Variants in COMMD1 observed in about 807,000 individuals in gnomAD.
COMMD1 encodes the protein COMM domain-containing protein 1.
COMMD1 carries 10 observed loss-of-function variants against 17.2 expected under a neutral mutation model. The ratio of observed to expected loss-of-function variants is 0.58; its 90% CI spans 0.36 to 0.99. The LOEUF (loss-of-function observed/expected upper bound fraction) is 0.99. Ranked by LOEUF, COMMD1 falls within the 50% of genes least tolerant of loss-of-function variation. The probability of loss-of-function intolerance (pLI) is 0.01; values close to 1 mark genes in which losing one functional copy is unlikely to be tolerated. For synonymous variants in COMMD1, 97 were observed against 91.6 expected, an observed-to-expected ratio of 1.06 and a Z score of -0.34; for missense variants, 270 against 231.8, an observed-to-expected ratio of 1.17 and a Z score of -1.07.
chr2:61,992,761 C>T (rs1672283677), intron 1 of COMMD1, among the ~76,000 whole-genome samples: 1 of 152,166 alleles, frequency 6.6e-6, no homozygotes, highest in Non-Finnish European at 1.5e-5. Flanking sequence ...GCAATACTAC[C>T]TGGTTGAGAA....
chr2:62,102,525 T>C (rs1384907053), intron 2 of COMMD1, among the ~76,000 whole-genome samples: 1 of 152,212 alleles, frequency 6.6e-6, no homozygotes, highest in Admixed American at 6.5e-5. Flanking sequence ...TGTGTATTGC[T>C]GGGTCTCAGA....
chr2:61,972,598 A>T (rs1373251777), intron 1 of COMMD1, among the ~76,000 whole-genome samples: 2 of 152,170 alleles, frequency 1.3e-5, no homozygotes, highest in East Asian at 3.8e-4. Context: ...CATACCCTTG[A>T]TATGGTGGGA....
chr2:61,904,745 G>T (rs1432777611), upstream of COMMD1, among the ~76,000 whole-genome samples: 1 of 152,212 alleles, frequency 6.6e-6, no homozygotes, highest in African/African-American at 2.4e-5. Context: ...GTACAATTCA[G>T]TGGGTTTTAG....
chr2:61,945,389 G>A (rs576877121), intron 1 of COMMD1, among the ~76,000 whole-genome samples: 335 of 152,306 alleles, frequency 2.2e-3, no homozygotes, highest in Middle Eastern at 0.01. Context: ...AATTTTGGGA[G>A]ATCAGGGATT....
chr2:62,091,868 G>C (rs1671838389), intron 2 of COMMD1, among the ~76,000 whole-genome samples: 1 of 152,182 alleles, frequency 6.6e-6, no homozygotes, highest in African/African-American at 2.4e-5. Flanking sequence ...GTGATCATTT[G>C]GGAGGCATTG....
At chr2:61,950,644 A>C (rs1365057622) in intron 1 of COMMD1, among the ~76,000 whole-genome samples, 2 of 152,202 alleles carry the variant, frequency 1.3e-5, no homozygotes, top group Non-Finnish European at 1.5e-5. Context: ...CAGCATCGCT[A>C]TTTTTGTGCT....
intron 1 of COMMD1, among the ~76,000 whole-genome samples, chr2:61,947,215 TTA>T (rs1430344634): frequency 1.6e-4 from 25 of 152,198 alleles, no homozygotes; most frequent in Non-Finnish European, 2.8e-4. Flanking sequence ...TAATTTAAAC[TTA>T]TGTTTAGTAA....
At chr2:62,132,833 C>G (rs1457136181) in intron 2 of COMMD1, among the ~76,000 whole-genome samples, 1 of 91,904 alleles carries the variant, frequency 1.1e-5, no homozygotes, top group Non-Finnish European at 2.2e-5. Flanking sequence ...GAGCGAGACT[C>G]TTGTCTCAAA....
At chr2:61,929,685 A>T (rs1376538586) in intron 1 of COMMD1, among the ~76,000 whole-genome samples, 1 of 152,204 alleles carries the variant, frequency 6.6e-6, no homozygotes, top group Non-Finnish European at 1.5e-5. Context: ...TAATCCCAGC[A>T]CTTTGGGAGC....
intron 2 of COMMD1, among the ~76,000 whole-genome samples, chr2:62,095,929 A>T (rs532644641): frequency 4.5e-4 from 67 of 148,566 alleles, no homozygotes; most frequent in African/African-American, 1.5e-3. Context: ...ATATATATAT[A>T]TGTATACATA....
intron 1 of COMMD1, among the ~76,000 whole-genome samples, chr2:61,942,667 G>GT (rs1670783511): frequency 6.6e-6 from 1 of 151,082 alleles, no homozygotes; most frequent in African/African-American, 2.4e-5. Context: ...AGCCTCCCAA[G>GT]TAGTTGGGAT....
intron 2 of COMMD1, among the ~76,000 whole-genome samples, chr2:62,077,335 T>C (rs989836753): frequency 1.3e-5 from 2 of 152,216 alleles, no homozygotes; most frequent in Admixed American, 1.3e-4. Flanking sequence ...AAGGAACAAA[T>C]AGTGAATTTT....
chr2:61,968,945 C>CTTTTT, intron 1 of COMMD1: 1 of 213,684 alleles, frequency 4.7e-6, no homozygotes. Flanking sequence ...TTTATTTAGT[C>CTTTTT]TTTTTTTTTT....
chr2:61,919,397 C>T (rs748081037), intron 1 of COMMD1, among the ~76,000 whole-genome samples: 5 of 152,002 alleles, frequency 3.3e-5, no homozygotes, highest in Non-Finnish European at 7.4e-5. Context: ...CTCACTGCAG[C>T]CTCTGCCGCC....
intron 2 of COMMD1, among the ~76,000 whole-genome samples, chr2:62,006,367 A>G (rs1669121767): frequency 6.6e-6 from 1 of 152,126 alleles, no homozygotes; most frequent in African/African-American, 2.4e-5. Flanking sequence ...AAAAAAAAGA[A>G]AATTGGAAGC....
In COMMD1 at chr2:62,000,978, G is replaced by C; in HGVS notation, c.458G>C (p.Gly153Ala). The change falls in exon 2 of 3, where the codon GGA becomes GCA. Residue 153 changes from glycine to alanine, a missense_variant. By Grantham distance (60) the Gly-to-Ala change is moderately conservative. Coordinates refer to ENST00000311832, the MANE Select transcript of COMMD1 (RefSeq NM_152516.4). Reference sequence around the variant, plus strand: ...ATAGAGCTGGAATTAGGCAAATATGGACAGGTGAGTTAAACTTAAGTCAAT... The same window carrying C: ...ATAGAGCTGGAATTAGGCAAATATGCACAGGTGAGTTAAACTTAAGTCAAT... ...AIIELELGKY[G>A]QESEFLCLEF... The C allele has an allele frequency of 6.2e-7, 1 of 1,612,434 alleles. No individual in the cohort carries two copies. Among genetic ancestry groups the C allele is most frequent in the Non-Finnish European group, 8.5e-7 (1 of 1,179,990 alleles).
chr2:62,052,238 C>T (rs993443348), intron 2 of COMMD1, among the ~76,000 whole-genome samples: 1 of 152,058 alleles, frequency 6.6e-6, no homozygotes, highest in Non-Finnish European at 1.5e-5. Flanking sequence ...ATTGCTTGAC[C>T]CCAGGAGTTC....
Position 62,095,916 on chromosome 2 carries a change from CAT to C in COMMD1, c.463-39902_463-39901del, listed in dbSNP as rs776573572. 7.7e-4 allele frequency among the ~76,000 whole-genome samples: 109 copies of C among 141,038 alleles called. 1 individual carries two copies. The Middle Eastern group carries it at 0.022, about 28-fold the overall frequency. The allele number at this position is 141,038 out of a possible 152,430, so 92.5% of individuals were successfully genotyped here. ...ATATATAATCCTGTGTGTATATATA[CAT>C]ATATATATATATGTATACATATATG... On this transcript the variant is annotated intron_variant, in intron 2 of 2. Coordinates refer to ENST00000311832, the MANE Select transcript of COMMD1 (RefSeq NM_152516.4).
At chr2:61,897,843 T>C (rs1192506340) in intron 1 of COMMD1, among the ~76,000 whole-genome samples, 1 of 152,144 alleles carries the variant, frequency 6.6e-6, no homozygotes, top group East Asian at 1.9e-4. Context: ...TACCCTAGGC[T>C]CCTGGTTCCA....
Sources: allele counts gnomAD v4.1 joint callset (sites outside exome capture counted in the v4.1 genomes callset), GRCh38; gene constraint gnomAD v4.1.1; transcripts MANE v1.5; gene names NCBI Gene and HGNC (gene_info 2026-07-23, HGNC 2026-07-21).